The following NLRC5 variants were observed in gnomAD, a reference collection of about 807,000 sequenced individuals.
NLRC5 encodes the protein NLR family CARD domain containing 5, also known as protein NLRC5.
NLRC5 carries 114 observed loss-of-function variants against 206.9 expected under a neutral mutation model. That is an observed-to-expected ratio of 0.55 (90% CI 0.47 to 0.64). The LOEUF (loss-of-function observed/expected upper bound fraction) is 0.64. Among genes scored for constraint, NLRC5 ranks in the 30% least tolerant of loss-of-function variants. NLRC5 has a pLI of 0.00. For synonymous variants in NLRC5, 952 were observed against 962.8 expected (o/e 0.99, Z 0.21); for missense variants, 2,008 against 2,305.5 (o/e 0.87, Z 2.64).
At chr16:57,047,061 C>T (rs2064077407) in intron 22 of NLRC5, among the ~76,000 whole-genome samples, 1 of 152,230 alleles carries the variant, frequency 6.6e-6, no homozygotes, top group African/African-American at 2.4e-5. Flanking sequence ...TCTCTCTAGG[C>T]CTCCAGGGAA....
At chr16:57,077,055 G>C (rs1299879896) in intron 40 of NLRC5, among the ~76,000 whole-genome samples, 153 bp downstream of exon 40, 2 of 152,242 alleles carry the variant, frequency 1.3e-5, no homozygotes, top group Non-Finnish European at 2.9e-5. Flanking sequence ...TAGAAGCTTG[G>C]GGGACCCAAA....
At chr16:57,011,449 C>T (rs895881319) in intron 1 of NLRC5, among the ~76,000 whole-genome samples, 25 of 151,710 alleles carry the variant, frequency 1.6e-4, no homozygotes, top group African/African-American at 5.8e-4. Context: ...GACTCAGGTG[C>T]AGAGGCTCAC....
At chr16:57,080,848 G>A in intron 46 of NLRC5, 1 of 510,806 alleles carries the variant, frequency 2.0e-6, no homozygotes, top group Non-Finnish European at 3.5e-6. Context: ...GGAGGTACAT[G>A]TATGTGGCAA....
chr16:57,030,346 G>A (rs967492707), intron 10 of NLRC5, among the ~76,000 whole-genome samples: 23 of 125,522 alleles, frequency 1.8e-4, no homozygotes, highest in Non-Finnish European at 3.5e-4. Context: ...ATGGATGGAT[G>A]AATGGATGGC....
At chr16:57,068,227 C>T (rs1454159648) in intron 36 of NLRC5, among the ~76,000 whole-genome samples, 1 of 151,922 alleles carries the variant, frequency 6.6e-6, no homozygotes, top group Non-Finnish European at 1.5e-5. Context: ...CTCAGGAATT[C>T]GAGACCACCC....
In NLRC5 at chr16:57,083,140, G is replaced by A. The variant is rs2069335505; in HGVS notation, c.*612G>A. On this transcript the variant is annotated 3_prime_UTR_variant, in exon 49 of 49. Coordinates refer to ENST00000688547, the MANE Select transcript of NLRC5 (RefSeq NM_001384950.1). ...ACCAGTCCAGGGGCTCAAGGGCCAG[G>A]GCTCTGGAACAAGCCAGGGACTCAG... 1 of 152,368 alleles carries A rather than the reference G, an allele frequency of 6.6e-6. No homozygotes were observed. The highest frequency in any genetic ancestry group is 1.5e-5 in the Non-Finnish European group (1 of 68,158). 9.4% of individuals were successfully genotyped at this position (152,368 alleles called of 1,614,324 possible).
intron 11 of NLRC5, among the ~76,000 whole-genome samples, chr16:57,033,020 C>G (rs1254503391): frequency 1.3e-5 from 2 of 151,844 alleles, no homozygotes; most frequent in African/African-American, 4.8e-5. Flanking sequence ...ATGGTTAGCA[C>G]CAATCCAAAA....
chr16:57,032,346 C>T (rs1317251372), intron 11 of NLRC5, among the ~76,000 whole-genome samples: 1 of 151,918 alleles, frequency 6.6e-6, no homozygotes, highest in African/African-American at 2.4e-5. Flanking sequence ...GCCATGATCA[C>T]ACCACTGTAC....
chr16:57,037,170 G>A (rs763909977), intron 14 of NLRC5, 25 bp from the exon 15 acceptor site: 11 of 1,603,204 alleles, frequency 6.9e-6, no homozygotes, highest in Middle Eastern at 1.7e-4. Flanking sequence ...ACATGCCAAC[G>A]GCTGCCTTCT....
intron 43 of NLRC5, among the ~76,000 whole-genome samples, chr16:57,078,372 G>C (rs1315264875): frequency 6.6e-6 from 1 of 152,042 alleles, no homozygotes; most frequent in Non-Finnish European, 1.5e-5. Context: ...GGCTTCGCAG[G>C]AGCACGGTGC....
intron 19 of NLRC5, among the ~76,000 whole-genome samples, chr16:57,042,792 G>T (rs1164053737): frequency 6.6e-6 from 1 of 152,144 alleles, no homozygotes; most frequent in African/African-American, 2.4e-5. Flanking sequence ...GGCCTCTGTT[G>T]GTGGCTACGA....
At chr16:57,055,323 A>T in intron 26 of NLRC5, 110 bp from the exon 27 acceptor site, 2 of 1,066,732 alleles carry the variant, frequency 1.9e-6, no homozygotes, top group Admixed American at 2.0e-5. Context: ...TCCAAGCTTG[A>T]GTGGAGACCC....
At chr16:57,013,430 C>T (rs2059708497) in intron 1 of NLRC5, 1 of 657,384 alleles carries the variant, frequency 1.5e-6, no homozygotes, top group Admixed American at 2.6e-5. Flanking sequence ...TGATAAGTTC[C>T]AAAGTGTTTC....
At chr16:57,029,893 C>T (rs754319146) in intron 9 of NLRC5, 37 bp downstream of exon 9, 15 of 1,609,668 alleles carry the variant, frequency 9.3e-6, no homozygotes, top group Non-Finnish European at 1.1e-5. Context: ...AGCCCAGTCC[C>T]TCTCTATACC....
intron 1 of NLRC5, chr16:56,992,175 G>A (rs533904355): frequency 6.6e-6 from 1 of 152,292 alleles, no homozygotes; most frequent in East Asian, 1.9e-4. Flanking sequence ...GAGGGAGCCC[G>A]GCCCTGACCA....
chr16:57,076,785 T>C (rs773209139), intron 39 of NLRC5, 34 bp from the exon 40 acceptor site: 2 of 1,605,926 alleles, frequency 1.2e-6, no homozygotes, highest in Non-Finnish European at 1.7e-6. Flanking sequence ...TTTAAGCTCC[T>C]GAAAGCCTCT....
Position 57,029,976 on chromosome 16 carries a change from C to A in NLRC5, c.2328-19C>A. Reference sequence around the variant, plus strand: ...GGGTAGGGGATTCCACTCCTGACACCTTTGCCACAATCTTGCAGCCTGAGC... The same window carrying A: ...GGGTAGGGGATTCCACTCCTGACACATTTGCCACAATCTTGCAGCCTGAGC... On this transcript the variant is annotated intron_variant, in intron 9 of 48. Transcript: ENST00000688547. 2 of 1,613,994 alleles carry A rather than the reference C, an allele frequency of 1.2e-6. No homozygotes were observed. Among genetic ancestry groups the A allele is most frequent in the Non-Finnish European group, 1.7e-6 (2 of 1,179,860 alleles).
At position 57,065,299 on chromosome 16, in the gene NLRC5, G is replaced by A. The variant is rs1283313576; in HGVS notation, c.4241+1G>A. On this transcript the variant is annotated splice_donor_variant, in intron 33 of 48. Coordinates refer to ENST00000688547, the MANE Select transcript of NLRC5 (RefSeq NM_001384950.1). LOFTEE classifies it high-confidence loss of function. Reference sequence around the variant, plus strand: ...CCTCAGGCAGTGTCACTGAAATCAGGTGAGTCCAGAGAAGAGGCCCCTTTG... The same window carrying A: ...CCTCAGGCAGTGTCACTGAAATCAGATGAGTCCAGAGAAGAGGCCCCTTTG... 1 of 1,570,600 alleles carries A rather than the reference G, an allele frequency of 6.4e-7. No homozygotes were observed. The highest frequency in any genetic ancestry group is 8.7e-7 in the Non-Finnish European group (1 of 1,154,884).
intron 9 of NLRC5, 46 bp downstream of exon 9, chr16:57,029,902 C>A: frequency 6.2e-7 from 1 of 1,607,368 alleles, no homozygotes; most frequent in Non-Finnish European, 8.5e-7. Flanking sequence ...CCTCTCTATA[C>A]CTGATTCACC....
Sources: gnomAD v4.1 joint callset for allele counts (sites outside exome capture counted in the v4.1 genomes callset) on GRCh38, gnomAD v4.1.1 for gene constraint, MANE v1.5 for transcripts, NCBI Gene and HGNC (gene_info 2026-07-23, HGNC 2026-07-21) for gene names.